PHACTR1: variants seen among roughly 807,000 people sequenced by gnomAD.
PHACTR1 encodes the protein phosphatase and actin regulator 1.
Under a neutral mutation model 69.2 loss-of-function variants are expected in PHACTR1, and 16 were observed. The ratio of observed to expected loss-of-function variants is 0.23; its 90% confidence interval spans 0.16 to 0.35. The LOEUF (loss-of-function observed/expected upper bound fraction) is 0.35. Among genes scored for constraint, PHACTR1 ranks in the 10% least tolerant of loss-of-function variants. The probability of loss-of-function intolerance (pLI) is 1.00; values close to 1 mark genes in which losing one functional copy is unlikely to be tolerated. For missense variants in PHACTR1, 510 were observed against 734.7 expected (o/e 0.69, Z 3.54); for synonymous variants, 312 against 284.5 (o/e 1.10, Z -0.97).
intron 5 of PHACTR1, among the ~76,000 whole-genome samples, chr6:13,057,111 T>G (rs1806909402): frequency 6.6e-6 from 1 of 152,164 alleles, no homozygotes; most frequent in Non-Finnish European, 1.5e-5. Context: ...TAAGAATTTT[T>G]TATACATTTC....
At position 13,271,817 on chromosome 6, in the gene PHACTR1, T is replaced by A. The variant is rs182435953; in HGVS notation, c.1392-1043T>A. ...CTTCATTGACTTGATATTTTCACTC[T>A]AGGATCTCTCTTTAGATTTCAAGAT... On this transcript the variant is annotated intron_variant, in intron 10 of 14. Coordinates refer to ENST00000332995, the MANE Select transcript of PHACTR1 (RefSeq NM_030948.6). Among the ~76,000 whole-genome samples the A allele has an allele frequency of 2.0e-3, 308 of 152,256 alleles. 3 individuals carry two copies. Among genetic ancestry groups the A allele is most frequent in the Non-Finnish European group, 2.7e-3 (187 of 68,002 alleles).
intron 4 of PHACTR1, among the ~76,000 whole-genome samples, chr6:12,880,930 C>G (rs939106940): frequency 1.3e-5 from 2 of 152,020 alleles, no homozygotes; most frequent in African/African-American, 4.8e-5. Flanking sequence ...GATCTTTTAT[C>G]ATGTAGATTT....
intron 4 of PHACTR1, among the ~76,000 whole-genome samples, chr6:12,799,626 T>C (rs1773470795): frequency 6.6e-6 from 1 of 152,198 alleles, no homozygotes; most frequent in African/African-American, 2.4e-5. Flanking sequence ...CCAGCCACCA[T>C]TGCTAGAAAC....
intron 3 of PHACTR1, among the ~76,000 whole-genome samples, chr6:12,721,534 C>G (rs1307476948): frequency 6.6e-6 from 1 of 152,172 alleles, no homozygotes; most frequent in Non-Finnish European, 1.5e-5. Flanking sequence ...CTTGTCCTGT[C>G]AAAACCCAAC....
In PHACTR1 at chr6:12,846,094, AAACT is replaced by A. The variant is rs1298300749; in HGVS notation, c.250+96305_250+96308del. On this transcript the variant is annotated intron_variant, in intron 4 of 14. Coordinates refer to ENST00000332995, the MANE Select transcript of PHACTR1 (RefSeq NM_030948.6). ...CAAACAAACAAACAAACAAACAAAC[AAACT>A]GAGTTCCAAACACATAACATGAAGA... is the stretch of plus-strand genomic sequence containing the variant. 5.4e-5 allele frequency among the ~76,000 whole-genome samples: 8 copies of A among 148,886 alleles called. No individual in the cohort carries two copies. In the East Asian group the frequency reaches 1.2e-3, roughly 22 times the overall value.
intron 3 of PHACTR1, among the ~76,000 whole-genome samples, chr6:12,734,583 T>C (rs554879121): frequency 6.6e-6 from 1 of 152,282 alleles, no homozygotes; most frequent in East Asian, 1.9e-4. Context: ...TTACTTCCTA[T>C]TGTCTGGAAG....
intron 4 of PHACTR1, among the ~76,000 whole-genome samples, chr6:12,943,345 G>C (rs1790251608): frequency 6.6e-6 from 1 of 152,194 alleles, no homozygotes; most frequent in Non-Finnish European, 1.5e-5. Flanking sequence ...TTTACCAGGG[G>C]GCTAAGGAAA....
chr6:12,740,117 C>T (rs571489540), intron 3 of PHACTR1, among the ~76,000 whole-genome samples: 148 of 151,980 alleles, frequency 9.7e-4, no homozygotes, highest in African/African-American at 3.4e-3. Context: ...ATCTTTTGTT[C>T]GACATCATAT....
At chr6:12,993,327 G>A (rs1348678536) in intron 4 of PHACTR1, among the ~76,000 whole-genome samples, 2 of 152,174 alleles carry the variant, frequency 1.3e-5, no homozygotes, top group African/African-American at 4.8e-5. Context: ...GTAGAGCAGA[G>A]AGAAATAATG....
chr6:12,726,879 T>C (rs1762861804), intron 3 of PHACTR1, among the ~76,000 whole-genome samples: 1 of 152,244 alleles, frequency 6.6e-6, no homozygotes, highest in African/African-American at 2.4e-5. Flanking sequence ...TGTATTTTTG[T>C]TGGTTTGCTA....
At chr6:12,961,178 A>C (rs2127567544) in intron 4 of PHACTR1, among the ~76,000 whole-genome samples, 1 of 152,330 alleles carries the variant, frequency 6.6e-6, no homozygotes, top group Middle Eastern at 3.4e-3. Flanking sequence ...AGAGTGAAAA[A>C]TAGTGTAGGG....
chr6:13,284,517 C>CAAA lies in PHACTR1; in HGVS notation c.1650+980_1650+982dup, dbSNP rs58847683. On this transcript the variant is annotated intron_variant, in intron 13 of 14. Coordinates refer to ENST00000332995, the MANE Select transcript of PHACTR1 (RefSeq NM_030948.6). ...GGATGACAACAGTGAAACTCCATCT[C>CAAA]AAAAAAAAAAAAAAAAAAAAAAAAA... 1.7e-3 allele frequency among the ~76,000 whole-genome samples: 68 copies of CAAA among 40,020 alleles called. 6 individuals carry two copies. The highest frequency in any genetic ancestry group is 8.0e-3 in the African/African-American group (46 of 5,756). 26.3% of individuals were successfully genotyped at this position (40,020 alleles called of 152,430 possible).
chr6:12,798,712 G>C (rs1463478296), intron 4 of PHACTR1, among the ~76,000 whole-genome samples: 1 of 152,174 alleles, frequency 6.6e-6, no homozygotes, highest in African/African-American at 2.4e-5. Flanking sequence ...GTATCGCAAA[G>C]GAAGCTGTTT....
intron 5 of PHACTR1, among the ~76,000 whole-genome samples, chr6:13,114,933 A>C (rs968021192): frequency 6.6e-6 from 1 of 152,206 alleles, no homozygotes; most frequent in African/African-American, 2.4e-5. Flanking sequence ...AACTGCATAC[A>C]TATTCTCACA....
rs551232124 is a variant in PHACTR1, at chr6:12,951,711, T to C, written c.251-101654T>C. ...TCCTTTAGCCCTGAGCCTGGCCTCC[T>C]AGCACCATGGCCTGTGCAAGTCTGA... On this transcript the variant is annotated intron_variant, in intron 4 of 14. Transcript: ENST00000332995. Among the ~76,000 whole-genome samples the C allele has an allele frequency of 1.8e-4, 28 of 152,334 alleles. 1 individual carries two copies. In the South Asian group the frequency reaches 5.6e-3, roughly 30 times the overall value.
chr6:12,957,067 C>T (rs1257011535), intron 4 of PHACTR1, among the ~76,000 whole-genome samples: 1 of 66,456 alleles, frequency 1.5e-5, no homozygotes, highest in African/African-American at 6.1e-5. Context: ...TCTTCCCTTC[C>T]TAGGGGGCGG....
At position 13,205,867 on chromosome 6, in the gene PHACTR1, G is replaced by T. The variant is rs373195107; in HGVS notation, c.717G>T (p.Pro239=). The T allele has an allele frequency of 6.2e-7, 1 of 1,600,352 alleles. No homozygotes were observed. Among genetic ancestry groups the T allele is most frequent in the African/African-American group, 1.3e-5 (1 of 74,664 alleles). Residue 239 remains proline (P), a synonymous_variant, in exon 8 of 15, where the codon CCG becomes CCT. Transcript: ENST00000332995. ...LPCLPVKLSP[P]LPPKKVMICM... ...GTCTGCCAGTGAAACTGTCGCCTCC[G>T]CTACCTCCAAAGAAAGTCATGATCT...
At chr6:12,755,851 A>G (rs1416838402) in intron 4 of PHACTR1, among the ~76,000 whole-genome samples, 1 of 152,204 alleles carries the variant, frequency 6.6e-6, no homozygotes, top group East Asian at 1.9e-4. Flanking sequence ...TTACCAGGGA[A>G]GGTAAACATG....
chr6:12,829,234 G>A (rs1409024639), intron 4 of PHACTR1, among the ~76,000 whole-genome samples: 1 of 152,188 alleles, frequency 6.6e-6, no homozygotes. Flanking sequence ...CAGTGCACAC[G>A]AGTGGGATTT....
Sources: allele counts gnomAD v4.1 joint callset (sites outside exome capture counted in the v4.1 genomes callset), GRCh38; gene constraint gnomAD v4.1.1; transcripts MANE v1.5; gene names NCBI Gene and HGNC (gene_info 2026-07-23, HGNC 2026-07-21).